KCNQ1: variants seen among roughly 807,000 people sequenced by gnomAD.
KCNQ1 encodes potassium voltage-gated channel subfamily KQT member 1.
In KCNQ1, 49 loss-of-function variants were observed where a neutral mutation model predicts 72.4. The ratio of observed to expected loss-of-function variants is 0.68; its 90% CI spans 0.54 to 0.86. The LOEUF is 0.86. KCNQ1 is among the 40% of genes least tolerant of loss of function. The pLI is 0.00. For synonymous variants in KCNQ1, 450 were observed against 412.6 expected (o/e 1.09, Z -1.10); for missense variants, 790 against 945.1 (o/e 0.84, Z 2.15).
chr11:2,667,228 C>T (rs544855871), intron 11 of KCNQ1: 10 of 398,714 alleles, frequency 2.5e-5, no homozygotes, highest in African/African-American at 2.1e-4. Flanking sequence ...TTCCAAACTT[C>T]ACTTCCTCCG....
chr11:2,790,721 G>A (rs139223170), intron 15 of KCNQ1, among the ~76,000 whole-genome samples: 5 of 152,344 alleles, frequency 3.3e-5, no homozygotes, highest in East Asian at 3.9e-4. Flanking sequence ...CCGATCGCTC[G>A]CGTGCAAAGG....
intron 11 of KCNQ1, chr11:2,694,787 T>C (rs1280257945): frequency 2.5e-6 from 1 of 398,508 alleles, no homozygotes; most frequent in African/African-American, 2.1e-5. Flanking sequence ...TTGCAGAGAC[T>C]CGAAAGGTAG....
intron 11 of KCNQ1, chr11:2,662,500 G>A (rs1421508497): frequency 4.5e-6 from 2 of 445,330 alleles, no homozygotes; most frequent in East Asian, 3.3e-5. Context: ...GCTGTCCTCA[G>A]GGGCTCCTTC....
At chr11:2,733,029 A>G (rs1845880322) in intron 11 of KCNQ1, among the ~76,000 whole-genome samples, 1 of 152,064 alleles carries the variant, frequency 6.6e-6, no homozygotes, top group South Asian at 2.1e-4. Context: ...ACACAGCCAC[A>G]CCTGAGCCCA....
intron 15 of KCNQ1, among the ~76,000 whole-genome samples, chr11:2,838,435 A>G (rs1181779598): frequency 7.1e-6 from 1 of 141,802 alleles, no homozygotes; most frequent in Non-Finnish European, 1.6e-5. Flanking sequence ...ATTGATCCGG[A>G]GCCACTGAGG....
chr11:2,447,903 C>T lies in KCNQ1; in HGVS notation c.386+2419C>T, dbSNP rs368586726. ...GAAGCCAGCCAGGATATCCTGTCCC[C>T]TCCTCGGGGAACCCCCCCTCCCCAG... On this transcript the variant is annotated intron_variant, in intron 1 of 15. Coordinates refer to ENST00000155840, the MANE Select transcript of KCNQ1 (RefSeq NM_000218.3). This position sits in a 1 kb window ranked among gnomAD's most constrained non-coding sequence, Gnocchi z 7.6. Among the ~76,000 whole-genome samples, 5 of 152,310 alleles carry T rather than the reference C, an allele frequency of 3.3e-5. No homozygotes were observed. The East Asian group carries it at 7.7e-4, about 24-fold the overall frequency.
intron 11 of KCNQ1, chr11:2,675,276 T>A: frequency 2.5e-6 from 1 of 398,406 alleles, no homozygotes; most frequent in Non-Finnish European, 4.4e-6. Flanking sequence ...ATAACTCACC[T>A]CTCCCAAAAG....
chr11:2,751,987 G>A (rs947546198), intron 11 of KCNQ1, among the ~76,000 whole-genome samples: 14 of 152,342 alleles, frequency 9.2e-5, no homozygotes, highest in African/African-American at 3.1e-4. Context: ...GCACTTTCTC[G>A]GTTGCCGCTG....
intron 2 of KCNQ1, among the ~76,000 whole-genome samples, chr11:2,545,486 T>G (rs1271456385): frequency 1.3e-5 from 2 of 152,206 alleles, no homozygotes; most frequent in African/African-American, 4.8e-5. Context: ...AATAGTTATA[T>G]TCAGTTGATT....
At chr11:2,707,055 C>T (rs567414360) in intron 11 of KCNQ1, among the ~76,000 whole-genome samples, 23 of 152,272 alleles carry the variant, frequency 1.5e-4, no homozygotes, top group African/African-American at 5.3e-4. Context: ...GGGCAGCACC[C>T]ACAAGGACCA....
chr11:2,560,540 CGG>C (rs140805888), intron 2 of KCNQ1, among the ~76,000 whole-genome samples: 1 of 51,606 alleles, frequency 1.9e-5, no homozygotes, highest in African/African-American at 7.1e-5. Context: ...TCTGGGGGGG[CGG>C]GGGGGGGTGA....
Position 2,647,623 on chromosome 11 carries a change from A to G in KCNQ1, c.1394-14338A>G, listed in dbSNP as rs1849686400. The G allele has an allele frequency of 2.5e-6, 1 of 398,376 alleles. No individual in the cohort carries two copies. Among genetic ancestry groups the G allele is most frequent in the African/African-American group, 2.1e-5 (1 of 48,602 alleles). 24.7% of individuals were successfully genotyped at this position (398,376 alleles called of 1,614,324 possible). A position where few individuals can be genotyped will look rare whatever the true frequency, so the allele number is the denominator to read the frequency against. ...TAGAATTCAGTAGAAAACCCGTGCA[A>G]TCCTGAGGTTTTCTTTACTGGGAGA... On this transcript the variant is annotated intron_variant, in intron 10 of 15. Coordinates refer to ENST00000155840, the MANE Select transcript of KCNQ1 (RefSeq NM_000218.3). The surrounding 1 kb of genome is among the most constrained non-coding windows in gnomAD (Gnocchi z 4.0).
At chr11:2,556,245 C>T (rs1848069125) in intron 2 of KCNQ1, among the ~76,000 whole-genome samples, 1 of 152,200 alleles carries the variant, frequency 6.6e-6, no homozygotes, top group Non-Finnish European at 1.5e-5. Context: ...CCACCCTAAC[C>T]ACCTCATCTT....
intron 2 of KCNQ1, among the ~76,000 whole-genome samples, chr11:2,561,384 C>T (rs1371034620): frequency 2.6e-5 from 4 of 152,130 alleles, no homozygotes; most frequent in African/African-American, 4.8e-5. Context: ...AGAGTCTGTA[C>T]CCCACCTGTA....
chr11:2,616,851 T>C (rs10766218), intron 10 of KCNQ1: 233,838 of 397,928 alleles, frequency 0.59, 70,008 homozygotes, highest in East Asian at 0.75. Flanking sequence ...GAGAAGAATG[T>C]GTAGTTGGGT....
In KCNQ1 at chr11:2,657,364, A is replaced by G. The variant is rs1849868170; in HGVS notation, c.1394-4597A>G. The G allele has an allele frequency of 2.5e-6, 1 of 398,538 alleles. No individual in the cohort carries two copies. The allele number at this position is 398,538 out of a possible 1,614,324, so 24.7% of individuals were successfully genotyped here. On this transcript the variant is annotated intron_variant, in intron 10 of 15. Transcript: ENST00000155840. This position sits in a 1 kb window ranked among gnomAD's most constrained non-coding sequence, Gnocchi z 4.8. ...GGAATGAAGGCATATTTCTCCATTT[A>G]TATCTTCTTCATTGTCTCTTACTAA...
chr11:2,726,861 A>G (rs898421574), intron 11 of KCNQ1, among the ~76,000 whole-genome samples: 3 of 152,082 alleles, frequency 2.0e-5, no homozygotes, highest in Admixed American at 6.5e-5. Flanking sequence ...GCCCTTCCAG[A>G]GGCCCCTCCC....
chr11:2,714,828 T>C (rs1284361135), intron 11 of KCNQ1, among the ~76,000 whole-genome samples: 3 of 152,044 alleles, frequency 2.0e-5, no homozygotes, highest in Admixed American at 6.5e-5. Context: ...AGCAAGGGAA[T>C]GATGCAGACA....
In KCNQ1 at chr11:2,661,589, T is replaced by C; in HGVS notation, c.1394-372T>C. On this transcript the variant is annotated intron_variant, in intron 10 of 15. Transcript: ENST00000155840. This position sits in a 1 kb window ranked among gnomAD's most constrained non-coding sequence, Gnocchi z 5.9. Reference sequence around the variant, plus strand: ...CAATGTATGGTGGTGGGAGCTGTTGTCCCTTACCAGGCCTGTGCCTGTCAC... The same window carrying C: ...CAATGTATGGTGGTGGGAGCTGTTGCCCCTTACCAGGCCTGTGCCTGTCAC... 1 of 566,084 alleles carries C rather than the reference T, an allele frequency of 1.8e-6. No individual in the cohort carries two copies. The allele number at this position is 566,084 out of a possible 1,614,324, so 35.1% of individuals were successfully genotyped here.
Sources: allele counts gnomAD v4.1 joint callset (sites outside exome capture counted in the v4.1 genomes callset), GRCh38; gene constraint gnomAD v4.1.1; non-coding constraint Gnocchi (gnomAD v3.1); transcripts MANE v1.5; gene names NCBI Gene and HGNC (gene_info 2026-07-23, HGNC 2026-07-21).